Variants in LYZL4 observed in about 807,000 individuals in gnomAD.
LYZL4 encodes the protein lysozyme-like protein 4.
Under a neutral mutation model 17.6 loss-of-function variants are expected in LYZL4, and 13 were observed. That is an observed-to-expected ratio of 0.74 (90% CI 0.48 to 1.18). The LOEUF is 1.18. Ranked by LOEUF, LYZL4 falls within the 50% of genes most tolerant of loss-of-function variation. LYZL4 has a pLI of 0.00. For missense variants in LYZL4, 174 were observed against 188.2 expected (o/e 0.92, Z 0.44); for synonymous variants, 64 against 67.7 (o/e 0.95, Z 0.27).
the LYZL4 span, among the ~76,000 whole-genome samples, chr3:42,367,245 A>G: frequency 2.0e-5 from 3 of 152,224 alleles, no homozygotes; most frequent in African/African-American, 7.2e-5. Context: ...TTCTGACAAA[A>G]TTGAGTGTGC....
At chr3:42,394,390 A>G (rs1261812895), downstream of LYZL4, among the ~76,000 whole-genome samples, 1 of 152,208 alleles carries the variant, frequency 6.6e-6, no homozygotes, top group Non-Finnish European at 1.5e-5. Flanking sequence ...GGAGATACCA[A>G]TCCCAACTTC....
At chr3:42,373,853 T>C in the LYZL4 span, among the ~76,000 whole-genome samples, 2 of 152,106 alleles carry the variant, frequency 1.3e-5, no homozygotes, top group Non-Finnish European at 2.9e-5. Context: ...ATTACTTGAG[T>C]TCCCTGAATG....
chr3:42,401,204 A>C (rs1294506498), intron 4 of LYZL4, among the ~76,000 whole-genome samples: 1 of 152,008 alleles, frequency 6.6e-6, no homozygotes, highest in Non-Finnish European at 1.5e-5. Context: ...ATCATAATAA[A>C]ATTTCTTTAT....
At chr3:42,389,821 G>C in the LYZL4 span, among the ~76,000 whole-genome samples, 1 of 152,256 alleles carries the variant, frequency 6.6e-6, no homozygotes, top group East Asian at 1.9e-4. Flanking sequence ...ATCCATAAGC[G>C]GGATTCCTAT....
chr3:42,389,746 AC>A, the LYZL4 span, among the ~76,000 whole-genome samples: 1 of 152,172 alleles, frequency 6.6e-6, no homozygotes, highest in Non-Finnish European at 1.5e-5. Flanking sequence ...TCATCCAGTG[AC>A]AGAAGTAATA....
the LYZL4 span, among the ~76,000 whole-genome samples, chr3:42,372,820 G>T: frequency 6.6e-6 from 1 of 152,216 alleles, no homozygotes; most frequent in African/African-American, 2.4e-5. Context: ...GCATGGGAAA[G>T]ATCACTGTGG....
downstream of LYZL4, among the ~76,000 whole-genome samples, chr3:42,392,928 G>C (rs1023316333): frequency 6.6e-6 from 1 of 152,162 alleles, no homozygotes; most frequent in Non-Finnish European, 1.5e-5. Flanking sequence ...CTTTCCAGGT[G>C]ATGAACTCAA....
the LYZL4 span, among the ~76,000 whole-genome samples, chr3:42,381,035 G>A: frequency 1.3e-5 from 2 of 152,348 alleles, no homozygotes; most frequent in African/African-American, 4.8e-5. Context: ...TCCCAGAAAA[G>A]TGAAAAACTC....
At chr3:42,363,025 C>A in the LYZL4 span, among the ~76,000 whole-genome samples, 1 of 151,988 alleles carries the variant, frequency 6.6e-6, no homozygotes, top group Admixed American at 6.6e-5. Flanking sequence ...AAATTTGAAT[C>A]TAAAAGAAAC....
At chr3:42,403,338 C>T (rs1698690958) in intron 4 of LYZL4, among the ~76,000 whole-genome samples, 1 of 151,954 alleles carries the variant, frequency 6.6e-6, no homozygotes, top group African/African-American at 2.4e-5. Flanking sequence ...TAGCTCACTA[C>T]AACCTCTGCC....
chr3:42,370,569 T>G, the LYZL4 span, among the ~76,000 whole-genome samples: 1 of 152,220 alleles, frequency 6.6e-6, no homozygotes, highest in Non-Finnish European at 1.5e-5. Flanking sequence ...AAATGAAATG[T>G]TTGTTGTTGT....
chr3:42,409,754 T>A (rs796598420), intron 1 of LYZL4, among the ~76,000 whole-genome samples: 7 of 152,370 alleles, frequency 4.6e-5, no homozygotes, highest in African/African-American at 1.7e-4. Flanking sequence ...TTATAAAGCA[T>A]GTGTCCAGTC....
downstream of LYZL4, among the ~76,000 whole-genome samples, chr3:42,394,056 G>A (rs956874595): frequency 3.9e-5 from 6 of 152,220 alleles, no homozygotes; most frequent in Non-Finnish European, 8.8e-5. Context: ...GCCTCCCAGA[G>A]TGCTGGGATT....
At chr3:42,372,681 T>C in the LYZL4 span, among the ~76,000 whole-genome samples, 1 of 152,194 alleles carries the variant, frequency 6.6e-6, no homozygotes, top group Non-Finnish European at 1.5e-5. Context: ...TCATGGCTGC[T>C]GGGGAGTGGG....
At chr3:42,407,091 G>A in intron 2 of LYZL4, 22 bp downstream of exon 2, 9 of 1,613,556 alleles carry the variant, frequency 5.6e-6, no homozygotes, top group Non-Finnish European at 7.6e-6. Flanking sequence ...AGAGGAGGGA[G>A]CACTAAGTGG....
the LYZL4 span, among the ~76,000 whole-genome samples, chr3:42,362,362 C>T: frequency 1.3e-5 from 2 of 152,188 alleles, no homozygotes; most frequent in African/African-American, 4.8e-5. Flanking sequence ...TGACAATCCC[C>T]AGTGTAATAA....
chr3:42,378,130 C>T, the LYZL4 span, among the ~76,000 whole-genome samples: 1 of 152,166 alleles, frequency 6.6e-6, no homozygotes, highest in Non-Finnish European at 1.5e-5. Context: ...CCAACAGCCA[C>T]TTTGGTGGTG....
At chr3:42,374,657 C>G in the LYZL4 span, among the ~76,000 whole-genome samples, 1 of 152,204 alleles carries the variant, frequency 6.6e-6, no homozygotes, top group African/African-American at 2.4e-5. Flanking sequence ...CTCCCTTCAG[C>G]TCACCTCAGT....
At chr3:42,386,862 GA>G in the LYZL4 span, among the ~76,000 whole-genome samples, 1 of 152,204 alleles carries the variant, frequency 6.6e-6, no homozygotes, top group Non-Finnish European at 1.5e-5. Context: ...TTGAAGGAAT[GA>G]GTAGGAATAG....
Sources: allele counts gnomAD v4.1 joint callset (sites outside exome capture counted in the v4.1 genomes callset), GRCh38; gene constraint gnomAD v4.1.1; transcripts MANE v1.5; gene names NCBI Gene and HGNC (gene_info 2026-07-23, HGNC 2026-07-21).